Variants in CEP85L observed in about 807,000 individuals in gnomAD.
The protein encoded by CEP85L is centrosomal protein of 85 kDa-like.
A neutral mutation model predicts 100.3 loss-of-function variants in CEP85L; 60 were observed. The observed-to-expected ratio is 0.60, with a 90% CI of 0.49 to 0.74. CEP85L has a LOEUF of 0.74. CEP85L is among the 30% of genes least tolerant of loss of function. The probability of loss-of-function intolerance (pLI) is 0.00; values close to 1 mark genes in which losing one functional copy is unlikely to be tolerated. For missense variants in CEP85L, 973 were observed against 936.2 expected (o/e 1.04, Z -0.51); for synonymous variants, 319 against 322.7 (o/e 0.99, Z 0.12).
intron 5 of CEP85L, among the ~76,000 whole-genome samples, chr6:118,500,031 T>C (rs1012553333): frequency 6.6e-6 from 1 of 152,236 alleles, no homozygotes; most frequent in African/African-American, 2.4e-5. Context: ...CTAGGTGCAG[T>C]GGCTCATGAC....
At chr6:118,519,650 A>G (rs982492307) in intron 4 of CEP85L, among the ~76,000 whole-genome samples, 4 of 150,776 alleles carry the variant, frequency 2.7e-5, no homozygotes, top group Non-Finnish European at 4.4e-5. Flanking sequence ...ATGAAACCCA[A>G]AGTAATAAAT....
At chr6:118,557,324 T>C (rs1778935734) in intron 3 of CEP85L, among the ~76,000 whole-genome samples, 1 of 152,296 alleles carries the variant, frequency 6.6e-6, no homozygotes, top group African/African-American at 2.4e-5. Context: ...ACCAATTACA[T>C]CTACAGAGTA....
chr6:118,664,850 G>T (rs930150354), intron 1 of CEP85L, among the ~76,000 whole-genome samples: 3 of 152,078 alleles, frequency 2.0e-5, no homozygotes, highest in Middle Eastern at 3.4e-3. Flanking sequence ...ACTGGAAAAT[G>T]GATTACAGGT....
intron 1 of CEP85L, among the ~76,000 whole-genome samples, chr6:118,678,567 A>G (rs1776551204): frequency 6.6e-6 from 1 of 152,158 alleles, no homozygotes. Flanking sequence ...TTGCCTCTTT[A>G]CTTTTCTGTA....
chr6:118,631,033 A>C (rs1774111491), intron 2 of CEP85L, among the ~76,000 whole-genome samples: 1 of 152,144 alleles, frequency 6.6e-6, no homozygotes, highest in African/African-American at 2.4e-5. Flanking sequence ...TGGTGCCAAA[A>C]AGGTTGGGGA....
At chr6:118,587,482 T>C (rs181077165) in intron 2 of CEP85L, among the ~76,000 whole-genome samples, 1 of 152,316 alleles carries the variant, frequency 6.6e-6, no homozygotes, top group Non-Finnish European at 1.5e-5. Flanking sequence ...TATACAAGGA[T>C]AGAAGCCCTA....
At chr6:118,563,636 A>G (rs767139) in intron 3 of CEP85L, among the ~76,000 whole-genome samples, 70,103 of 151,530 alleles carry the variant, frequency 0.46, 16,662 homozygotes, top group Middle Eastern at 0.57. Context: ...TCCTTTTTAG[A>G]GACGGGGTCT....
chr6:118,492,357 G>T (rs1188796980), intron 5 of CEP85L, among the ~76,000 whole-genome samples: 1 of 152,072 alleles, frequency 6.6e-6, no homozygotes, highest in Non-Finnish European at 1.5e-5. Flanking sequence ...TAGAAAGTAA[G>T]ATCCATGAAT....
chr6:118,476,355 T>C (rs2114487644), intron 10 of CEP85L, among the ~76,000 whole-genome samples: 1 of 152,230 alleles, frequency 6.6e-6, no homozygotes. Flanking sequence ...TAGTATTAAC[T>C]TCTGATAAGA....
intron 2 of CEP85L, chr6:118,573,921 T>C (rs1780061923): frequency 6.6e-6 from 1 of 152,212 alleles, no homozygotes; most frequent in African/African-American, 2.4e-5. Flanking sequence ...AAAGAAATCT[T>C]CATGACCTTG....
chr6:118,501,599 A>G (rs1273910338), intron 5 of CEP85L: 4 of 586,718 alleles, frequency 6.8e-6, no homozygotes, highest in Non-Finnish European at 1.3e-5. Context: ...CTTCAAACCA[A>G]TATGTACTAA....
At chr6:118,587,820 A>G (rs1383146160) in intron 2 of CEP85L, among the ~76,000 whole-genome samples, 1 of 152,218 alleles carries the variant, frequency 6.6e-6, no homozygotes, top group African/African-American at 2.4e-5. Context: ...TCCAAATGAC[A>G]TCGTAAATGA....
intron 2 of CEP85L, among the ~76,000 whole-genome samples, chr6:118,584,436 T>C (rs571008823): frequency 1.3e-5 from 2 of 152,196 alleles, no homozygotes; most frequent in Middle Eastern, 3.2e-3. Context: ...AAATAGGCTG[T>C]CCATGATATA....
intron 3 of CEP85L, among the ~76,000 whole-genome samples, chr6:118,535,280 C>T (rs923451452): frequency 1.2e-4 from 19 of 152,246 alleles, no homozygotes; most frequent in African/African-American, 4.6e-4. Context: ...AAAGAAACCA[C>T]ACTCAAAGGC....
At chr6:118,546,721 C>T (rs915548922) in intron 3 of CEP85L, among the ~76,000 whole-genome samples, 12 of 152,132 alleles carry the variant, frequency 7.9e-5, no homozygotes, top group African/African-American at 1.4e-4. Context: ...CTGTAAACCT[C>T]GTTAGGCTTC....
At chr6:118,504,056 C>CA (rs1358103722) in intron 5 of CEP85L, among the ~76,000 whole-genome samples, 2 of 151,684 alleles carry the variant, frequency 1.3e-5, no homozygotes, top group African/African-American at 2.4e-5. Context: ...AACAAACAAA[C>CA]AAAAAAAACC....
chr6:118,577,971 T>C (rs936562423), intron 2 of CEP85L, among the ~76,000 whole-genome samples: 3 of 152,198 alleles, frequency 2.0e-5, no homozygotes, highest in African/African-American at 7.2e-5. Context: ...GATTCTCCCC[T>C]GCCCTACTCA....
At chr6:118,499,027 T>G (rs766774875) in intron 5 of CEP85L, among the ~76,000 whole-genome samples, 2 of 151,914 alleles carry the variant, frequency 1.3e-5, no homozygotes, top group Non-Finnish European at 2.9e-5. Context: ...AAAAAGGAAA[T>G]CTCAAGAGAA....
chr6:118,572,865 C>CA (rs1349827912), intron 2 of CEP85L, among the ~76,000 whole-genome samples: 9 of 152,110 alleles, frequency 5.9e-5, no homozygotes, highest in Admixed American at 4.6e-4. Flanking sequence ...AGTTAGAGAC[C>CA]AGCCTGGCTA....
Sources: allele counts gnomAD v4.1 joint callset (sites outside exome capture counted in the v4.1 genomes callset), GRCh38; gene constraint gnomAD v4.1.1; transcripts MANE v1.5; gene names NCBI Gene and HGNC (gene_info 2026-07-23, HGNC 2026-07-21).